Variants in LAMA2 observed in about 807,000 individuals in gnomAD.
The protein encoded by LAMA2 is laminin subunit alpha 2.
A neutral mutation model predicts 364.8 loss-of-function variants in LAMA2; 269 were observed. The observed-to-expected ratio is 0.74, with a 90% CI of 0.67 to 0.82. The LOEUF (loss-of-function observed/expected upper bound fraction) is 0.82. Ranked by LOEUF, LAMA2 falls within the 40% of genes least tolerant of loss-of-function variation. LAMA2 has a pLI of 0.00. For missense variants in LAMA2, 3,807 were observed against 3,873.2 expected, an observed-to-expected ratio of 0.98 and a Z score of 0.45; for synonymous variants, 1,379 against 1,370.6, an observed-to-expected ratio of 1.01 and a Z score of -0.14.
At chr6:129,361,917 G>A (rs536169604) in intron 32 of LAMA2, among the ~76,000 whole-genome samples, 11 of 150,988 alleles carry the variant, frequency 7.3e-5, no homozygotes, top group African/African-American at 2.4e-4. Context: ...CCCGAGTAGC[G>A]GGACTAGAGG....
At chr6:129,379,301 C>T (rs1042527002) in intron 34 of LAMA2, among the ~76,000 whole-genome samples, 1 of 150,188 alleles carries the variant, frequency 6.7e-6, no homozygotes, top group Non-Finnish European at 1.5e-5. Context: ...ATAATCTGTG[C>T]AACAAACCCC....
At chr6:129,342,237 GTA>G (rs1776307601) in intron 29 of LAMA2, 104 bp from the exon 30 acceptor site, 1 of 900,790 alleles carries the variant, frequency 1.1e-6, no homozygotes. Flanking sequence ...GTGTAAGAAA[GTA>G]TATGTGTTCA....
chr6:129,408,842 AGTG>A (rs1398109918), intron 40 of LAMA2, among the ~76,000 whole-genome samples: 2 of 152,124 alleles, frequency 1.3e-5, no homozygotes, highest in African/African-American at 4.8e-5. Flanking sequence ...AAAGAGGCTG[AGTG>A]GTGTACACAG....
chr6:128,940,885 A>T, intron 1 of LAMA2, among the ~76,000 whole-genome samples: 1 of 152,210 alleles, frequency 6.6e-6, no homozygotes, highest in East Asian at 1.9e-4. Context: ...CAGGAGTTCC[A>T]GGCTGCAGCG....
At chr6:129,302,656 G>C (rs1252993457) in intron 22 of LAMA2, among the ~76,000 whole-genome samples, 1 of 151,920 alleles carries the variant, frequency 6.6e-6, no homozygotes, top group Non-Finnish European at 1.5e-5. Context: ...CTATATATCA[G>C]GTAATGGTCA....
chr6:129,360,674 G>T (rs1446629515), intron 32 of LAMA2, among the ~76,000 whole-genome samples: 1 of 152,102 alleles, frequency 6.6e-6, no homozygotes, highest in Admixed American at 6.6e-5. Flanking sequence ...TAAACCTTTG[G>T]ACACAGAAAC....
At chr6:129,495,572 C>A (rs9492332) in intron 58 of LAMA2, among the ~76,000 whole-genome samples, 6,357 of 152,142 alleles carry the variant, frequency 0.042, 457 homozygotes, top group African/African-American at 0.15. Flanking sequence ...TTCAATCAAG[C>A]AGAACCTCAT....
intron 34 of LAMA2, among the ~76,000 whole-genome samples, chr6:129,371,263 G>A (rs999373126): frequency 6.6e-6 from 1 of 151,978 alleles, no homozygotes; most frequent in Non-Finnish European, 1.5e-5. Context: ...GTGTGTGTGT[G>A]TGTGTGTGTG....
intron 21 of LAMA2, among the ~76,000 whole-genome samples, chr6:129,299,081 A>G (rs1773384687): frequency 6.6e-6 from 1 of 152,128 alleles, no homozygotes; most frequent in Non-Finnish European, 1.5e-5. Context: ...TTTAAATTAT[A>G]GAAAGATGAC....
chr6:129,149,746 G>A (rs894768923), intron 7 of LAMA2, among the ~76,000 whole-genome samples: 1 of 151,970 alleles, frequency 6.6e-6, no homozygotes, highest in Admixed American at 6.6e-5. Context: ...GATCAAAAAT[G>A]TTTGAAAAAA....
intron 31 of LAMA2, among the ~76,000 whole-genome samples, chr6:129,352,839 C>T (rs929583062): frequency 6.6e-6 from 1 of 152,066 alleles, no homozygotes; most frequent in African/African-American, 2.4e-5. Context: ...TAATTTCAAA[C>T]CTCAGGAAGA....
intron 51 of LAMA2, among the ~76,000 whole-genome samples, chr6:129,466,985 A>G (rs998413958): frequency 6.6e-6 from 1 of 151,888 alleles, no homozygotes; most frequent in African/African-American, 2.4e-5. Flanking sequence ...TTAGGATGCT[A>G]CGGAGTCTGG....
Position 129,190,362 on chromosome 6 carries a change from T to A in LAMA2, c.1608+17T>A. On this transcript the variant is annotated intron_variant, in intron 11 of 64. Coordinates refer to ENST00000421865, the MANE Select transcript of LAMA2 (RefSeq NM_000426.4). ...TATGGCAAAGTAAGCAAGCACCATT[T>A]GGTTCTGTTTGCTGCCCCAGCAGCC... The A allele has an allele frequency of 1.2e-6, 2 of 1,612,084 alleles. No individual in the cohort carries two copies. The highest frequency in any genetic ancestry group is 1.3e-5 in the African/African-American group (1 of 75,010).
intron 1 of LAMA2, among the ~76,000 whole-genome samples, chr6:128,987,565 T>C (rs1179954827): frequency 1.3e-5 from 2 of 152,208 alleles, no homozygotes; most frequent in South Asian, 2.1e-4. Flanking sequence ...CATGTGAGAA[T>C]GTGTTCTGTT....
At chr6:129,267,366 C>T in intron 16 of LAMA2, 147 bp downstream of exon 16, 1 of 715,898 alleles carries the variant, frequency 1.4e-6, no homozygotes, top group East Asian at 2.6e-5. Flanking sequence ...TGAATTGGAA[C>T]TGAGAATGCT....
chr6:128,887,366 C>T (rs1180689794), intron 1 of LAMA2, among the ~76,000 whole-genome samples: 7 of 151,946 alleles, frequency 4.6e-5, no homozygotes, highest in Non-Finnish European at 1.0e-4. Flanking sequence ...TGATTCATAA[C>T]AGATAAAATG....
chr6:129,073,057 C>G lies in LAMA2; in HGVS notation c.396+13161C>G, dbSNP rs998287775. ...AAATGAAAGCCTGCTAGTGATAAAT[C>G]TCTCATCTTTTGTTTGTTTTTTCAC... On this transcript the variant is annotated intron_variant, in intron 3 of 64. Transcript: ENST00000421865. 1.7e-4 allele frequency among the ~76,000 whole-genome samples: 26 copies of G among 152,024 alleles called. No individual in the cohort carries two copies. The East Asian group carries it at 5.0e-3, about 29-fold the overall frequency.
chr6:129,144,892 A>C (rs1269137885), intron 5 of LAMA2, among the ~76,000 whole-genome samples: 3 of 151,956 alleles, frequency 2.0e-5, no homozygotes, highest in Admixed American at 6.6e-5. Flanking sequence ...TACAAGATAG[A>C]TGATCAACCC....
At chr6:129,100,957 G>A (rs1775485879) in intron 4 of LAMA2, among the ~76,000 whole-genome samples, 1 of 152,112 alleles carries the variant, frequency 6.6e-6, no homozygotes, top group Admixed American at 6.5e-5. Context: ...AAAAGTTTTG[G>A]ATACTTTTCT....
Sources: allele counts gnomAD v4.1 joint callset (sites outside exome capture counted in the v4.1 genomes callset), GRCh38; gene constraint gnomAD v4.1.1; transcripts MANE v1.5; gene names NCBI Gene and HGNC (gene_info 2026-07-23, HGNC 2026-07-21).